Variants in MCFD2 observed in about 807,000 individuals in gnomAD.
MCFD2 encodes the protein multiple coagulation factor deficiency protein 2.
Under a neutral mutation model 12.8 loss-of-function variants are expected in MCFD2, and 11 were observed. The observed-to-expected ratio is 0.86, with a 90% CI of 0.54 to 1.42. The LOEUF is 1.42. Among genes scored for constraint, MCFD2 ranks in the 40% most tolerant of loss-of-function variants. The pLI, the probability that MCFD2 is intolerant of heterozygous loss-of-function variation, is 0.00. For missense variants in MCFD2, 191 were observed against 178.6 expected (o/e 1.07, Z -0.40); for synonymous variants, 70 against 68.1 (o/e 1.03, Z -0.14).
Position 46,905,117 on chromosome 2 carries a change from T to G in MCFD2, c.*346A>C. The G allele has an allele frequency of 2.9e-6, 1 of 349,812 alleles. No individual in the cohort carries two copies. Among genetic ancestry groups the G allele is most frequent in the South Asian group, 2.6e-5 (1 of 38,944 alleles). The allele number at this position is 349,812 out of a possible 1,614,324, so 21.7% of individuals were successfully genotyped here. The stretch of plus-strand genomic sequence containing the variant: ...AGTGCCTTTCACCTCCCGCCATGAT[T>G]CTGAGGCCTCCCCAGCCATGTGGAA... On this transcript the variant is annotated 3_prime_UTR_variant, in exon 4 of 4. Transcript: ENST00000319466.
intron 1 of MCFD2, among the ~76,000 whole-genome samples, chr2:46,933,820 A>T (rs1419104061): frequency 6.6e-6 from 1 of 152,256 alleles, no homozygotes; most frequent in East Asian, 1.9e-4. Context: ...CTAGGGTGAC[A>T]GCAAGGTGGA....
chr2:46,909,071 G>A lies in MCFD2; in HGVS notation c.101C>T (p.Ser34Phe), dbSNP rs749396379. The A allele has an allele frequency of 2.5e-6, 4 of 1,614,102 alleles. No homozygotes were observed. Among genetic ancestry groups the A allele is most frequent in the East Asian group, 2.2e-5 (1 of 44,898 alleles). ...ARAEEPAASF[S>F]QPGSMGLDKN... ...ATCCAGGCCCATGCTGCCGGGTTGG[G>A]AGAAGCTGGCTGCAGGCTCCTCAGC... Residue 34 changes from serine to phenylalanine, a missense_variant, in exon 2 of 4, where the codon TCC becomes TTC. Transcript: ENST00000319466.
chr2:46,939,055 C>T (rs541119520), intron 1 of MCFD2, among the ~76,000 whole-genome samples: 7 of 149,598 alleles, frequency 4.7e-5, no homozygotes, highest in Admixed American at 1.3e-4. Flanking sequence ...GTGGGAGGAC[C>T]GCTTGAAGCT....
In MCFD2 at chr2:46,940,256, T is replaced by C. The variant is rs182740373; in HGVS notation, c.-8+1316A>G. ...TGGAGCACCTTCTAACTCTTAGGAG[T>C]CTGCTCAAAAGTTTGCCCTGACCCT... On this transcript the variant is annotated intron_variant, in intron 1 of 2. Transcript: ENST00000409147. This position sits in a 1 kb window ranked among gnomAD's most constrained non-coding sequence, Gnocchi z 4.7. Among the ~76,000 whole-genome samples the C allele has an allele frequency of 1.1e-3, 163 of 152,072 alleles. No homozygotes were observed. The highest frequency in any genetic ancestry group is 1.7e-3 in the South Asian group (8 of 4,818).
chr2:46,938,951 T>C (rs1240180958), intron 1 of MCFD2, among the ~76,000 whole-genome samples: 1 of 151,260 alleles, frequency 6.6e-6, no homozygotes, highest in Non-Finnish European at 1.5e-5. Flanking sequence ...GCGGAGGTTG[T>C]TGTGAGCTGA....
chr2:46,931,692 TAATAAATAAATAAATA>T (rs10524721), intron 1 of MCFD2, among the ~76,000 whole-genome samples: 12 of 148,548 alleles, frequency 8.1e-5, no homozygotes, highest in Non-Finnish European at 1.5e-4. Flanking sequence ...AAACAGACAA[TAATAAATAAATAAATA>T]AATAAATAAA....
chr2:46,931,672 GA>G (rs1203911694), intron 1 of MCFD2, among the ~76,000 whole-genome samples: 4 of 144,942 alleles, frequency 2.8e-5, no homozygotes, highest in African/African-American at 5.3e-5. Context: ...TTCTTTGGGG[GA>G]AAAAACAAAA....
intron 1 of MCFD2, 114 bp from the exon 2 acceptor site, chr2:46,909,291 G>A: frequency 7.7e-7 from 1 of 1,290,578 alleles, no homozygotes; most frequent in East Asian, 2.5e-5. Context: ...GTTAGGAAGA[G>A]AGCTTGTCAA....
At chr2:46,915,964 T>A (rs1272892001), upstream of MCFD2, 1 of 985,294 alleles carries the variant, frequency 1.0e-6, no homozygotes, top group East Asian at 1.1e-4. Flanking sequence ...CTGGCGGGAC[T>A]GACGCAGTTC....
chr2:46,926,285 A>G (rs146197911), intron 1 of MCFD2, among the ~76,000 whole-genome samples: 1 of 152,352 alleles, frequency 6.6e-6, no homozygotes, highest in Non-Finnish European at 1.5e-5. Flanking sequence ...CACACTGAGT[A>G]TATGCCATTG....
intron 1 of MCFD2, among the ~76,000 whole-genome samples, chr2:46,939,088 C>A (rs1259980015): frequency 6.6e-6 from 1 of 151,114 alleles, no homozygotes; most frequent in Non-Finnish European, 1.5e-5. Context: ...CCAGCCTGGG[C>A]AACACAGCAA....
At chr2:46,909,805 T>C (rs960561959) in intron 1 of MCFD2, among the ~76,000 whole-genome samples, 7 of 152,288 alleles carry the variant, frequency 4.6e-5, no homozygotes, top group African/African-American at 1.2e-4. Flanking sequence ...CAGGCTGTAC[T>C]GGACAGGGCT....
Position 46,909,552 on chromosome 2 carries a change from G to A in MCFD2, c.-6-375C>T, listed in dbSNP as rs551543358. Among the ~76,000 whole-genome samples, 20 of 152,326 alleles carry A rather than the reference G, an allele frequency of 1.3e-4. No individual in the cohort carries two copies. In the South Asian group the frequency reaches 2.5e-3, roughly 19 times the overall value. The stretch of plus-strand genomic sequence containing the variant: ...GTTATATCAGATTATCAGAGAAAGC[G>A]AAAACCCTCTAGGAGTTCAGGGGAA... On this transcript the variant is annotated intron_variant, in intron 1 of 3. Coordinates refer to ENST00000319466, the MANE Select transcript of MCFD2 (RefSeq NM_139279.6).
At chr2:46,930,480 A>ATTTT in intron 1 of MCFD2, among the ~76,000 whole-genome samples, 1 of 149,178 alleles carries the variant, frequency 6.7e-6, no homozygotes, top group Non-Finnish European at 1.5e-5. Context: ...GAAGAAATGG[A>ATTTT]AATTTGAAGT....
chr2:46,907,662 G>A lies in MCFD2; in HGVS notation c.309+148C>T, dbSNP rs564969313. ...TCCTTCCACTTTGGCCTCCCAAAGT[G>A]CTGGGATTACAGATGCGAGCCATCA... On this transcript the variant is annotated intron_variant, in intron 3 of 3. Transcript: ENST00000319466. This position sits in a 1 kb window ranked among gnomAD's most constrained non-coding sequence, Gnocchi z 4.1. 2.7e-5 allele frequency: 24 copies of A among 875,094 alleles called. No homozygotes were observed. The highest frequency in any genetic ancestry group is 2.8e-4 in the Middle Eastern group (1 of 3,598). The allele number at this position is 875,094 out of a possible 1,614,324, so 54.2% of individuals were successfully genotyped here. A position where few individuals can be genotyped will look rare whatever the true frequency, so the allele number is the denominator to read the frequency against.
rs1670360326 is a variant in MCFD2, at chr2:46,941,416, G to T, written c.-8+156C>A. 9.7e-7 allele frequency: 1 copy of T among 1,033,526 alleles called. No homozygotes were observed. The highest frequency in any genetic ancestry group is 1.2e-6 in the Non-Finnish European group (1 of 814,958). The allele number at this position is 1,033,526 out of a possible 1,614,324, so 64.0% of individuals were successfully genotyped here. A position where few individuals can be genotyped will look rare whatever the true frequency, so the allele number is the denominator to read the frequency against. On this transcript the variant is annotated intron_variant, in intron 1 of 2. Transcript: ENST00000409147. This position sits in a 1 kb window ranked among gnomAD's most constrained non-coding sequence, Gnocchi z 4.2. Reference sequence around the variant, plus strand: ...CTCCGCCGCCCGGGCCCCCGCTGCCGCCCGGGCCCCGGCTGCCGTCTGCGC... The same window carrying T: ...CTCCGCCGCCCGGGCCCCCGCTGCCTCCCGGGCCCCGGCTGCCGTCTGCGC...
intron 1 of MCFD2, among the ~76,000 whole-genome samples, chr2:46,925,918 A>G (rs1669359663): frequency 6.6e-6 from 1 of 152,224 alleles, no homozygotes. Context: ...ATACACTACA[A>G]CAGTGCCACC....
intron 1 of MCFD2, among the ~76,000 whole-genome samples, chr2:46,914,844 T>C (rs1372319102): frequency 6.6e-6 from 1 of 152,192 alleles, no homozygotes; most frequent in Non-Finnish European, 1.5e-5. Flanking sequence ...CTTGTTCTGA[T>C]CTAAGAACCA....
At chr2:46,910,703 A>G (rs6722440) in intron 1 of MCFD2, 18,740 of 152,130 alleles carry the variant, frequency 0.12, 1,674 homozygotes, top group African/African-American at 0.25. Flanking sequence ...ATTGCTTCCC[A>G]TGGCCCCCTC....
Sources: gnomAD v4.1 joint callset for allele counts (sites outside exome capture counted in the v4.1 genomes callset) on GRCh38, gnomAD v4.1.1 for gene constraint, Gnocchi (gnomAD v3.1) non-coding constraint, MANE v1.5 for transcripts, NCBI Gene and HGNC (gene_info 2026-07-23, HGNC 2026-07-21) for gene names.